Variants in AFF3 observed in about 807,000 individuals in gnomAD.
AFF3 encodes the protein ALF transcription elongation factor 3, also known as AF4/FMR2 family member 3.
Under a neutral mutation model 129.7 loss-of-function variants are expected in AFF3, and 32 were observed. The observed-to-expected ratio is 0.25, with a 90% CI of 0.19 to 0.33. The LOEUF (loss-of-function observed/expected upper bound fraction) is 0.33. AFF3 is among the 10% of genes least tolerant of loss of function. The pLI is 1.00. For synonymous variants in AFF3, 644 were observed against 635.4 expected (o/e 1.01, Z -0.20); for missense variants, 1,373 against 1,592.0 (o/e 0.86, Z 2.34).
chr2:99,574,792 A>C (rs1676829105), intron 18 of AFF3, among the ~76,000 whole-genome samples: 1 of 152,198 alleles, frequency 6.6e-6, no homozygotes, highest in Non-Finnish European at 1.5e-5. Flanking sequence ...ATTTCCATCA[A>C]CTCGAAATCA....
chr2:99,551,324 C>T lies in AFF3; in HGVS notation c.*150G>A, dbSNP rs954787162. ...TTATATACCCACACATACAAACACA[C>T]ATGCCCTGCAAAAGATCATTGTTCA... is the stretch of plus-strand genomic sequence containing the variant. On this transcript the variant is annotated 3_prime_UTR_variant, in exon 25 of 25. Coordinates refer to ENST00000672756, the MANE Select transcript of AFF3 (RefSeq NM_001386135.1). 1 of 1,140,154 alleles carries T rather than the reference C, an allele frequency of 8.8e-7. No homozygotes were observed. Among genetic ancestry groups the T allele is most frequent in the South Asian group, 1.5e-5 (1 of 65,612 alleles). 70.6% of individuals were successfully genotyped at this position (1,140,154 alleles called of 1,614,324 possible).
intron 8 of AFF3, among the ~76,000 whole-genome samples, 153 bp from the exon 9 acceptor site, chr2:99,752,454 T>G (rs113765380): frequency 2.2e-3 from 332 of 152,300 alleles, no homozygotes; most frequent in African/African-American, 7.6e-3. Context: ...AGATGTGAAA[T>G]CCACTTTTAT....
chr2:100,135,160 C>T (rs1458566472), intron 1 of AFF3, among the ~76,000 whole-genome samples: 3 of 152,186 alleles, frequency 2.0e-5, no homozygotes, highest in African/African-American at 7.2e-5. Context: ...CATGTAGCCC[C>T]TGATAGGTCA....
In AFF3 at chr2:100,129,326, G is replaced by A. The variant is rs1692322732; in HGVS notation, c.-227-20C>T. On this transcript the variant is annotated intron_variant, in intron 1 of 24. Coordinates refer to ENST00000672756, the MANE Select transcript of AFF3 (RefSeq NM_001386135.1). Reference sequence around the variant, plus strand: ...AACTTTCTGCAAAACAAAAGCGATTGGGTATTTAGGCAAAAACATCAGTTT... The same window carrying A: ...AACTTTCTGCAAAACAAAAGCGATTAGGTATTTAGGCAAAAACATCAGTTT... 1 of 151,606 alleles carries A rather than the reference G, an allele frequency of 6.6e-6. No homozygotes were observed. The highest frequency in any genetic ancestry group is 2.4e-5 in the African/African-American group (1 of 41,238). The allele number at this position is 151,606 out of a possible 1,614,324, so 9.4% of individuals were successfully genotyped here.
chr2:100,029,781 C>T (rs985787809), intron 4 of AFF3, among the ~76,000 whole-genome samples: 3 of 152,184 alleles, frequency 2.0e-5, no homozygotes, highest in African/African-American at 7.2e-5. Flanking sequence ...TTAAAAGTAA[C>T]TGGTTGGGCA....
chr2:99,575,636 A>G (rs1436636326), intron 18 of AFF3, among the ~76,000 whole-genome samples: 1 of 152,024 alleles, frequency 6.6e-6, no homozygotes, highest in Non-Finnish European at 1.5e-5. Flanking sequence ...TTTGAGTTGC[A>G]TGTTTATTTT....
intron 9 of AFF3, among the ~76,000 whole-genome samples, chr2:99,746,177 TAA>T (rs796726425): frequency 2.1e-5 from 3 of 143,992 alleles, no homozygotes; most frequent in Non-Finnish European, 3.0e-5. Context: ...AATAGGAATG[TAA>T]AAAAAAAAAA....
chr2:99,649,136 G>A lies in AFF3; in HGVS notation c.1184+490C>T, dbSNP rs189909311. On this transcript the variant is annotated intron_variant, in intron 13 of 24. Transcript: ENST00000672756. ...TCTCATTCAGTAACACGCGCCAGGA[G>A]AAAGACGCCAAAGCAAGGAGTAAAA... 4.7e-3 allele frequency among the ~76,000 whole-genome samples: 716 copies of A among 152,174 alleles called. 8 individuals carry two copies. The highest frequency in any genetic ancestry group is 0.015 in the African/African-American group (634 of 41,516).
At chr2:100,002,550 C>G (rs1681520785) in intron 7 of AFF3, among the ~76,000 whole-genome samples, 1 of 152,088 alleles carries the variant, frequency 6.6e-6, no homozygotes, top group Non-Finnish European at 1.5e-5. Flanking sequence ...TTTCTCTGTT[C>G]TTATAGATGA....
intron 4 of AFF3, among the ~76,000 whole-genome samples, chr2:100,016,836 G>T (rs1683156682): frequency 6.6e-6 from 1 of 150,820 alleles, no homozygotes; most frequent in African/African-American, 2.4e-5. Flanking sequence ...GGTGATGGTG[G>T]TAATGGTGGT....
chr2:99,845,527 T>G (rs1165527819), intron 7 of AFF3, among the ~76,000 whole-genome samples: 1 of 152,202 alleles, frequency 6.6e-6, no homozygotes, highest in African/African-American at 2.4e-5. Flanking sequence ...CTCAAAAAAG[T>G]ACCACAGTAC....
At chr2:100,122,280 A>T (rs1243600534) in intron 2 of AFF3, among the ~76,000 whole-genome samples, 5 of 152,182 alleles carry the variant, frequency 3.3e-5, no homozygotes, top group African/African-American at 1.2e-4. Flanking sequence ...TTTGTCATTT[A>T]GCACAATGGG....
At chr2:99,839,781 T>C (rs1207658246) in intron 7 of AFF3, among the ~76,000 whole-genome samples, 2 of 151,922 alleles carry the variant, frequency 1.3e-5, no homozygotes, top group Non-Finnish European at 2.9e-5. Context: ...CCGGCTAATT[T>C]TTTTATTTTT....
At chr2:99,870,923 T>C (rs1318443666) in intron 7 of AFF3, among the ~76,000 whole-genome samples, 2 of 152,218 alleles carry the variant, frequency 1.3e-5, no homozygotes, top group Non-Finnish European at 2.9e-5. Flanking sequence ...TGTTCTCCTA[T>C]AAAATAGGCA....
At chr2:99,705,560 A>T (rs17022936) in intron 11 of AFF3, among the ~76,000 whole-genome samples, 11,018 of 152,000 alleles carry the variant, frequency 0.072, 463 homozygotes, top group East Asian at 0.11. Context: ...TGACTAGCTT[A>T]TTTTTCTTTT....
chr2:99,777,947 C>CAAAAAAAAAAAAAGA (rs1684052939), intron 8 of AFF3, among the ~76,000 whole-genome samples: 1 of 48,340 alleles, frequency 2.1e-5, no homozygotes. Flanking sequence ...AAAGCAAAAG[C>CAAAAAAAAAAAAAGA]AAAAAAAAAA....
At chr2:99,949,790 C>T (rs941699677) in intron 7 of AFF3, among the ~76,000 whole-genome samples, 1 of 152,200 alleles carries the variant, frequency 6.6e-6, no homozygotes, top group Non-Finnish European at 1.5e-5. Context: ...CTGTGCGGCC[C>T]AGTTACTAAC....
chr2:100,135,488 A>G (rs1004915338), intron 1 of AFF3, among the ~76,000 whole-genome samples: 1 of 152,134 alleles, frequency 6.6e-6, no homozygotes, highest in Non-Finnish European at 1.5e-5. Context: ...GAGAAGCCCA[A>G]GGCACAGGGA....
intron 7 of AFF3, among the ~76,000 whole-genome samples, chr2:99,844,026 T>C (rs1264656461): frequency 6.6e-6 from 1 of 151,650 alleles, no homozygotes; most frequent in African/African-American, 2.4e-5. Flanking sequence ...TGAGACTCCA[T>C]CTCAAAAACA....
Sources: allele counts gnomAD v4.1 joint callset (sites outside exome capture counted in the v4.1 genomes callset), GRCh38; gene constraint gnomAD v4.1.1; transcripts MANE v1.5; gene names NCBI Gene and HGNC (gene_info 2026-07-23, HGNC 2026-07-21).